The following AGBL4 variants were observed in gnomAD, a reference collection of about 807,000 sequenced individuals.
AGBL4 encodes the protein cytosolic carboxypeptidase 6.
In AGBL4, 58 loss-of-function variants were observed where a neutral mutation model predicts 66.4. The ratio of observed to expected loss-of-function variants is 0.87; its 90% CI spans 0.71 to 1.09. The LOEUF is 1.09. Ranked by LOEUF, AGBL4 falls within the 50% of genes least tolerant of loss-of-function variation. The probability of loss-of-function intolerance (pLI) is 0.00; values close to 1 mark genes in which losing one functional copy is unlikely to be tolerated. For synonymous variants in AGBL4, 234 were observed against 222.9 expected (o/e 1.05, Z -0.44); for missense variants, 579 against 631.0 (o/e 0.92, Z 0.88).
In AGBL4 at chr1:48,597,017, C is replaced by T. The variant is rs114712778; in HGVS notation, c.952-6032G>A. Among the ~76,000 whole-genome samples the T allele has an allele frequency of 6.4e-3, 973 of 152,246 alleles. 18 individuals are homozygous for T. Among genetic ancestry groups the T allele is most frequent in the African/African-American group, 0.022 (928 of 41,542 alleles). On this transcript the variant is annotated intron_variant, in intron 9 of 13. Transcript: ENST00000371839. Reference sequence around the variant, plus strand: ...AACTTCCCAAGCACACTGGTGTTCTCGTACTCTGGGCTTTTGTGTCTATTC... The same window carrying T: ...AACTTCCCAAGCACACTGGTGTTCTTGTACTCTGGGCTTTTGTGTCTATTC...
chr1:49,541,475 G>A (rs528704969), intron 3 of AGBL4, among the ~76,000 whole-genome samples: 3 of 152,192 alleles, frequency 2.0e-5, no homozygotes, highest in African/African-American at 4.8e-5. Context: ...CTTAGCACCC[G>A]GGCCAGGAGC....
At chr1:49,089,710 A>T (rs553044542) in intron 4 of AGBL4, among the ~76,000 whole-genome samples, 1 of 152,282 alleles carries the variant, frequency 6.6e-6, no homozygotes, top group Non-Finnish European at 1.5e-5. Context: ...ATTCCAAAAA[A>T]TTGGGGAGGA....
intron 4 of AGBL4, among the ~76,000 whole-genome samples, chr1:49,052,940 T>C (rs1385290944): frequency 2.0e-5 from 3 of 152,206 alleles, no homozygotes; most frequent in African/African-American, 4.8e-5. Flanking sequence ...GTAATCGATT[T>C]CCATTATTAT....
intron 10 of AGBL4, 130 bp downstream of exon 10, chr1:48,590,703 C>G: frequency 9.6e-7 from 1 of 1,044,392 alleles, no homozygotes; most frequent in Non-Finnish European, 1.3e-6. Flanking sequence ...CTATCTTCAT[C>G]ACCCACACAA....
chr1:49,402,925 G>C (rs1439452091), intron 3 of AGBL4, among the ~76,000 whole-genome samples: 2 of 152,174 alleles, frequency 1.3e-5, no homozygotes, highest in African/African-American at 4.8e-5. Flanking sequence ...CTATCCTTGA[G>C]AGTGATGCAT....
intron 2 of AGBL4, among the ~76,000 whole-genome samples, chr1:49,851,082 C>T (rs896548476): frequency 4.6e-5 from 7 of 152,026 alleles, no homozygotes; most frequent in Admixed American, 2.0e-4. Flanking sequence ...TTCAATAAAT[C>T]GTAATTGATA....
At chr1:48,750,674 TC>T (rs1360974853) in intron 6 of AGBL4, among the ~76,000 whole-genome samples, 1 of 152,172 alleles carries the variant, frequency 6.6e-6, no homozygotes, top group Non-Finnish European at 1.5e-5. Flanking sequence ...CCAATAATGT[TC>T]CCTGCACAAA....
chr1:49,888,251 A>G (rs578233039), intron 1 of AGBL4, among the ~76,000 whole-genome samples: 61 of 152,288 alleles, frequency 4.0e-4, no homozygotes, highest in Non-Finnish European at 7.6e-4. Flanking sequence ...TAATTGATCA[A>G]TATTATAAAA....
At chr1:49,594,955 C>T (rs906966995) in intron 3 of AGBL4, among the ~76,000 whole-genome samples, 1 of 152,152 alleles carries the variant, frequency 6.6e-6, no homozygotes, top group African/African-American at 2.4e-5. Context: ...CACTGTCTTC[C>T]ACAATGGTTG....
chr1:49,303,421 T>A (rs1644790792), intron 3 of AGBL4, among the ~76,000 whole-genome samples: 1 of 139,206 alleles, frequency 7.2e-6, no homozygotes, highest in African/African-American at 2.8e-5. Context: ...TGTTGAGCTC[T>A]TTTTCATGTT....
intron 3 of AGBL4, among the ~76,000 whole-genome samples, chr1:49,546,889 A>G (rs1306988011): frequency 2.6e-5 from 4 of 152,110 alleles, no homozygotes; most frequent in Non-Finnish European, 5.9e-5. Flanking sequence ...AGTTAGTTGT[A>G]GATTCTGGGT....
intron 3 of AGBL4, among the ~76,000 whole-genome samples, chr1:49,688,773 G>A (rs1465228235): frequency 6.6e-6 from 1 of 152,122 alleles, no homozygotes; most frequent in Non-Finnish European, 1.5e-5. Flanking sequence ...TATTTTAACT[G>A]AGATGAGATG....
chr1:49,964,937 CAT>C (rs1424098927), intron 1 of AGBL4, among the ~76,000 whole-genome samples: 3 of 152,018 alleles, frequency 2.0e-5, no homozygotes, highest in Non-Finnish European at 2.9e-5. Flanking sequence ...GAATATAAAA[CAT>C]ATTTTATTAT....
Position 48,813,125 on chromosome 1 carries a change from T to C in AGBL4, c.634+54066A>G, listed in dbSNP as rs532130670. On this transcript the variant is annotated intron_variant, in intron 6 of 13. Transcript: ENST00000371839. ...TAAAGTATAATAATAATAAAAAAAATGGAGTGATAAGTGCTTTGAGAGACG... is the reference window on the plus strand; with the variant it reads ...TAAAGTATAATAATAATAAAAAAAACGGAGTGATAAGTGCTTTGAGAGACG... Among the ~76,000 whole-genome samples, 4 of 151,692 alleles carry C rather than the reference T, an allele frequency of 2.6e-5. No individual in the cohort carries two copies. In the South Asian group the frequency reaches 8.3e-4, roughly 32 times the overall value.
intron 3 of AGBL4, among the ~76,000 whole-genome samples, chr1:49,606,130 C>T (rs1030412890): frequency 2.0e-5 from 3 of 152,064 alleles, no homozygotes; most frequent in African/African-American, 7.2e-5. Flanking sequence ...AGAAAAGTTG[C>T]CCTAGTCTCT....
intron 3 of AGBL4, among the ~76,000 whole-genome samples, chr1:49,400,553 C>T (rs1645063189): frequency 6.6e-6 from 1 of 150,490 alleles, no homozygotes; most frequent in Admixed American, 6.7e-5. Flanking sequence ...TCTTCAATTT[C>T]TTTCATCAGT....
chr1:49,485,596 TTAAAG>T (rs1364941764), intron 3 of AGBL4, among the ~76,000 whole-genome samples: 1 of 150,206 alleles, frequency 6.7e-6, no homozygotes, highest in Non-Finnish European at 1.5e-5. Flanking sequence ...ACCCTAAAAC[TTAAAG>T]TATAATAATA....
At chr1:49,208,204 T>G (rs1413823397) in intron 4 of AGBL4, among the ~76,000 whole-genome samples, 1 of 152,080 alleles carries the variant, frequency 6.6e-6, no homozygotes, top group East Asian at 1.9e-4. Flanking sequence ...CCCAAATCAC[T>G]CAAGAAGGAA....
intron 3 of AGBL4, among the ~76,000 whole-genome samples, chr1:49,372,615 CTTTCTT>C (rs1557878298): frequency 4.5e-5 from 1 of 22,394 alleles, no homozygotes; most frequent in South Asian, 1.2e-3. Context: ...CTTTTTCTTT[CTTTCTT>C]TCTTTCTTTC....
Sources: allele counts gnomAD v4.1 joint callset (sites outside exome capture counted in the v4.1 genomes callset), GRCh38; gene constraint gnomAD v4.1.1; transcripts MANE v1.5; gene names NCBI Gene and HGNC (gene_info 2026-07-23, HGNC 2026-07-21).